Variants in SLIT3 observed in about 807,000 individuals in gnomAD.
SLIT3 encodes slit guidance ligand 3.
A neutral mutation model predicts 184.0 loss-of-function variants in SLIT3; 68 were observed. The observed-to-expected ratio is 0.37, with a 90% CI of 0.30 to 0.45. SLIT3 has a LOEUF of 0.45. SLIT3 is among the 20% of genes least tolerant of loss of function. The probability of loss-of-function intolerance (pLI) is 1.00; values close to 1 mark genes in which losing one functional copy is unlikely to be tolerated. For synonymous variants in SLIT3, 831 were observed against 828.6 expected, an observed-to-expected ratio of 1.00 and a Z score of -0.05; for missense variants, 1,707 against 2,026.0, an observed-to-expected ratio of 0.84 and a Z score of 3.02.
intron 3 of SLIT3, among the ~76,000 whole-genome samples, chr5:169,198,382 C>G (rs1763806656): frequency 6.6e-6 from 1 of 152,126 alleles, no homozygotes; most frequent in African/African-American, 2.4e-5. Context: ...GTGGAGACTT[C>G]TAGACTGAGA....
At chr5:168,907,959 T>TAGAG (rs1244335185) in intron 4 of SLIT3, among the ~76,000 whole-genome samples, 4 of 88,176 alleles carry the variant, frequency 4.5e-5, no homozygotes, top group African/African-American at 1.8e-4. Flanking sequence ...TATATATATA[T>TAGAG]ATATATATAT....
intron 4 of SLIT3, among the ~76,000 whole-genome samples, chr5:169,135,182 T>C (rs1761458875): frequency 6.6e-6 from 1 of 152,176 alleles, no homozygotes; most frequent in Non-Finnish European, 1.5e-5. Context: ...TCTCAGCTCA[T>C]TGCAATCTCC....
At chr5:168,961,855 C>CAT (rs1763020071) in intron 4 of SLIT3, among the ~76,000 whole-genome samples, 2 of 124,762 alleles carry the variant, frequency 1.6e-5, no homozygotes, top group African/African-American at 7.1e-5. Flanking sequence ...CATGCATGCA[C>CAT]GCATGTGTGT....
rs534494568 is a variant in SLIT3, at chr5:168,869,774, T to C, written c.485+13491A>G. Among the ~76,000 whole-genome samples, 7 of 152,368 alleles carry C rather than the reference T, an allele frequency of 4.6e-5. No homozygotes were observed. In the South Asian group the frequency reaches 1.2e-3, roughly 27 times the overall value. On this transcript the variant is annotated intron_variant, in intron 5 of 35. Transcript: ENST00000519560. ...GCTGTATGTACCAAACCTTATCCAC[T>C]GGGTACTTACTTGTCTGGCTAGGAA...
chr5:169,252,728 C>T (rs1389047129), intron 1 of SLIT3, among the ~76,000 whole-genome samples: 1 of 152,124 alleles, frequency 6.6e-6, no homozygotes, highest in East Asian at 1.9e-4. Context: ...AATGATGAAT[C>T]CCCATCCAAA....
intron 4 of SLIT3, among the ~76,000 whole-genome samples, chr5:169,189,960 C>G (rs1388057726): frequency 2.6e-5 from 4 of 152,188 alleles, no homozygotes; most frequent in Non-Finnish European, 5.9e-5. Flanking sequence ...GCGCAGGGAA[C>G]TGCATACAGT....
chr5:169,048,243 AG>A (rs1480172666), intron 4 of SLIT3, among the ~76,000 whole-genome samples: 1 of 152,202 alleles, frequency 6.6e-6, no homozygotes, highest in African/African-American at 2.4e-5. Context: ...TCCAAGCCTC[AG>A]ATTTCCTCAT....
intron 3 of SLIT3, among the ~76,000 whole-genome samples, chr5:169,194,152 T>C (rs1763662884): frequency 6.9e-6 from 1 of 145,356 alleles, no homozygotes. Flanking sequence ...GGAGAATCGC[T>C]TGAACCCAGG....
chr5:168,900,539 TG>T (rs1382959853), intron 4 of SLIT3, among the ~76,000 whole-genome samples: 1 of 152,118 alleles, frequency 6.6e-6, no homozygotes, highest in Non-Finnish European at 1.5e-5. Flanking sequence ...TGCTTGAACC[TG>T]GGAGGCGGAG....
chr5:168,946,703 T>A (rs1178946758), intron 4 of SLIT3, among the ~76,000 whole-genome samples: 1 of 152,150 alleles, frequency 6.6e-6, no homozygotes, highest in Non-Finnish European at 1.5e-5. Flanking sequence ...GCGGCCTGCC[T>A]GGGGTCTTTC....
At chr5:169,001,139 A>G (rs1755690155) in intron 4 of SLIT3, among the ~76,000 whole-genome samples, 1 of 152,184 alleles carries the variant, frequency 6.6e-6, no homozygotes, top group Non-Finnish European at 1.5e-5. Flanking sequence ...GTGCTTTGCT[A>G]TTTTTATAAA....
At chr5:169,103,087 A>C (rs1021976861) in intron 4 of SLIT3, among the ~76,000 whole-genome samples, 117 of 152,348 alleles carry the variant, frequency 7.7e-4, no homozygotes, top group African/African-American at 2.7e-3. Flanking sequence ...GGTATTGTAC[A>C]TGCATTAACC....
intron 3 of SLIT3, among the ~76,000 whole-genome samples, chr5:169,237,606 G>A (rs1049213741): frequency 3.3e-5 from 5 of 152,062 alleles, no homozygotes; most frequent in Non-Finnish European, 7.4e-5. Flanking sequence ...ACTGTAATAG[G>A]TGTGTAGTAG....
intron 6 of SLIT3, among the ~76,000 whole-genome samples, chr5:168,824,717 T>C (rs1231787283): frequency 6.6e-6 from 1 of 152,170 alleles, no homozygotes. Context: ...TGGCCACTTG[T>C]TCCTGTGCCC....
chr5:168,783,276 TA>T (rs34907183), intron 12 of SLIT3, among the ~76,000 whole-genome samples: 93,693 of 151,670 alleles, frequency 0.62, 31,330 homozygotes, highest in African/African-American at 0.9. Flanking sequence ...CCGCAGCCTC[TA>T]AAAAAACGGA....
chr5:168,878,686 A>G (rs1234256328), intron 5 of SLIT3, among the ~76,000 whole-genome samples: 2 of 149,610 alleles, frequency 1.3e-5, no homozygotes, highest in African/African-American at 4.9e-5. Flanking sequence ...ACTTAATTTT[A>G]TGTGGAAAAT....
rs1050462902 is a variant in SLIT3, at chr5:169,215,527, T to C, written c.342-21977A>G. On this transcript the variant is annotated intron_variant, in intron 3 of 35. Coordinates refer to ENST00000519560, the MANE Select transcript of SLIT3 (RefSeq NM_003062.4). Reference sequence around the variant, plus strand: ...GCTCCATGGTGTCTGTCAACATTACTCAATTCTGCTGAAGGAGTGCAAAAG... The same window carrying C: ...GCTCCATGGTGTCTGTCAACATTACCCAATTCTGCTGAAGGAGTGCAAAAG... 6.0e-4 allele frequency among the ~76,000 whole-genome samples: 92 copies of C among 152,342 alleles called. 1 individual carries two copies. The highest frequency in any genetic ancestry group is 2.2e-3 in the African/African-American group (91 of 41,570).
intron 4 of SLIT3, among the ~76,000 whole-genome samples, chr5:168,884,673 T>C (rs747777941): frequency 6.7e-6 from 1 of 150,182 alleles, no homozygotes; most frequent in Non-Finnish European, 1.5e-5. Context: ...CTGTCATTAA[T>C]AGTGCATTGA....
chr5:168,958,580 C>T (rs907583322), intron 4 of SLIT3, among the ~76,000 whole-genome samples: 1 of 152,188 alleles, frequency 6.6e-6, no homozygotes, highest in Non-Finnish European at 1.5e-5. Context: ...GAACTCTCTG[C>T]CTGCACAGAC....
Sources: gnomAD v4.1 joint callset for allele counts (sites outside exome capture counted in the v4.1 genomes callset) on GRCh38, gnomAD v4.1.1 for gene constraint, MANE v1.5 for transcripts, NCBI Gene and HGNC (gene_info 2026-07-23, HGNC 2026-07-21) for gene names.